The following CYP7B1 variants were observed in gnomAD, a reference collection of about 807,000 sequenced individuals.
The protein encoded by CYP7B1 is cytochrome P450 family 7 subfamily B member 1.
In CYP7B1, 29 loss-of-function variants were observed where a neutral mutation model predicts 42.7. The observed-to-expected ratio is 0.68, with a 90% CI of 0.51 to 0.93. CYP7B1 has a LOEUF of 0.93. Ranked by LOEUF, CYP7B1 falls within the 40% of genes least tolerant of loss-of-function variation. The probability of loss-of-function intolerance (pLI) is 0.00; values close to 1 mark genes in which losing one functional copy is unlikely to be tolerated. For missense variants in CYP7B1, 655 were observed against 600.5 expected, an observed-to-expected ratio of 1.09 and a Z score of -0.95; for synonymous variants, 235 against 218.2, an observed-to-expected ratio of 1.08 and a Z score of -0.68.
intron 1 of CYP7B1, among the ~76,000 whole-genome samples, chr8:64,636,789 CA>C (rs984146201): frequency 3.2e-4 from 49 of 152,214 alleles, no homozygotes; most frequent in Non-Finnish European, 2.2e-4. Context: ...GAAAGCGAGT[CA>C]AAAATGTTTC....
chr8:64,745,821 G>T (rs1021681847), intron 1 of CYP7B1, among the ~76,000 whole-genome samples: 1 of 152,146 alleles, frequency 6.6e-6, no homozygotes, highest in African/African-American at 2.4e-5. Context: ...TTGCTCTATA[G>T]TACGCTTGGG....
intron 4 of CYP7B1, among the ~76,000 whole-genome samples, chr8:64,607,604 T>C (rs1010908462): frequency 7.9e-5 from 12 of 152,052 alleles, no homozygotes; most frequent in Non-Finnish European, 1.2e-4. Context: ...GGCGGGCAAA[T>C]TGAGTTAAAA....
chr8:64,739,379 T>G (rs1807536460), intron 1 of CYP7B1, among the ~76,000 whole-genome samples: 1 of 152,186 alleles, frequency 6.6e-6, no homozygotes, highest in Non-Finnish European at 1.5e-5. Flanking sequence ...AAGGAAGAAT[T>G]CCTAGCGAAG....
chr8:64,651,711 AT>A (rs1806041902), intron 1 of CYP7B1, among the ~76,000 whole-genome samples: 6 of 152,238 alleles, frequency 3.9e-5, no homozygotes, highest in Non-Finnish European at 7.3e-5. Flanking sequence ...CTCTTCTGCC[AT>A]ATGAGAAAAC....
chr8:64,635,879 G>T (rs1805762141), intron 1 of CYP7B1, among the ~76,000 whole-genome samples: 1 of 152,130 alleles, frequency 6.6e-6, no homozygotes, highest in Non-Finnish European at 1.5e-5. Context: ...TCTATTAGCA[G>T]AATTATATTA....
chr8:64,676,512 T>A (rs1806448650), intron 1 of CYP7B1, among the ~76,000 whole-genome samples: 2 of 152,114 alleles, frequency 1.3e-5, no homozygotes, highest in Admixed American at 1.3e-4. Context: ...AGGGTTGAAG[T>A]GAAATTTTGT....
In CYP7B1 at chr8:64,624,406, C is replaced by A; in HGVS notation, c.256G>T (p.Gly86Cys). ...TATTAATAGAAGTGCTTCTTACCAC[C>A]AAGAAGAACTGTGAAAGTGTCACCA... ...QHGDTFTVLL[G>C]GKYITFILDP... Residue 86 changes from glycine to cysteine, a missense_variant, in exon 2 of 6, where the codon GGT (glycine) becomes TGT (cysteine). Physicochemically the swap from Gly to Cys is radical, Grantham distance 159. Transcript: ENST00000310193. 1.2e-6 allele frequency: 2 copies of A among 1,613,246 alleles called. No individual in the cohort carries two copies. Among genetic ancestry groups the A allele is most frequent in the Non-Finnish European group, 1.7e-6 (2 of 1,179,652 alleles).
intron 1 of CYP7B1, among the ~76,000 whole-genome samples, chr8:64,750,567 C>T (rs560453399): frequency 1.3e-5 from 2 of 152,272 alleles, no homozygotes; most frequent in South Asian, 4.1e-4. Context: ...CCTAAGCAAC[C>T]TTTAAGTACA....
At chr8:64,669,711 A>T (rs1806336197) in intron 1 of CYP7B1, among the ~76,000 whole-genome samples, 1 of 150,988 alleles carries the variant, frequency 6.6e-6, no homozygotes, top group Non-Finnish European at 1.5e-5. Context: ...GGAGGGAATG[A>T]AGGTTTTACA....
chr8:64,732,786 A>G (rs1219441569), intron 1 of CYP7B1: 2 of 152,156 alleles, frequency 1.3e-5, no homozygotes, highest in African/African-American at 4.8e-5. Flanking sequence ...TGTTCAAATA[A>G]TACTGAGTGA....
At chr8:64,637,437 T>C (rs1805789803) in intron 1 of CYP7B1, among the ~76,000 whole-genome samples, 2 of 152,198 alleles carry the variant, frequency 1.3e-5, no homozygotes, top group Non-Finnish European at 2.9e-5. Flanking sequence ...TGTCATGAGC[T>C]ACAGGGCTTT....
chr8:64,615,692 T>C lies in CYP7B1; in HGVS notation c.849A>G (p.Gly283=), dbSNP rs1805427839. 1 of 1,613,230 alleles carries C rather than the reference T, an allele frequency of 6.2e-7. No individual in the cohort carries two copies. Among genetic ancestry groups the C allele is most frequent in the East Asian group, 2.2e-5 (1 of 44,856 alleles). ...AAGTGCTCATTCAGAAGTTCTTACC[T>C]CCTATTTCAAGGTCCTCGTGCACAT... ...KYYVHEDLEI[G]AHHLGFLWAS... Residue 283 remains glycine, a splice_region_variant and synonymous_variant, in exon 3 of 6, where the codon GGA becomes GGG. Coordinates refer to ENST00000310193, the MANE Select transcript of CYP7B1 (RefSeq NM_004820.5).
intron 1 of CYP7B1, among the ~76,000 whole-genome samples, chr8:64,681,104 T>C (rs1806529608): frequency 6.6e-6 from 1 of 152,228 alleles, no homozygotes; most frequent in Non-Finnish European, 1.5e-5. Flanking sequence ...TTTAAAATGT[T>C]TGTGGATGCA....
Position 64,591,241 on chromosome 8 carries a change from T to C in CYP7B1, c.*5401A>G, listed in dbSNP as rs1805029061. Among the ~76,000 whole-genome samples, 1 of 152,208 alleles carries C rather than the reference T, an allele frequency of 6.6e-6. No homozygotes were observed. The highest frequency in any genetic ancestry group is 1.5e-5 in the Non-Finnish European group (1 of 68,010). On this transcript the variant is annotated 3_prime_UTR_variant, in exon 6 of 6. Coordinates refer to ENST00000310193, the MANE Select transcript of CYP7B1 (RefSeq NM_004820.5). ...AAATGAAGTAGAGTAATAATTACTT[T>C]AGATAAATACTAAAGAGTTTTATGT...
intron 1 of CYP7B1, among the ~76,000 whole-genome samples, chr8:64,783,909 A>G (rs2129691925): frequency 6.6e-6 from 1 of 152,332 alleles, no homozygotes; most frequent in East Asian, 1.9e-4. Context: ...GCAAAATGGT[A>G]CAGTTAATTT....
At chr8:64,598,879 T>C (rs558171397) in intron 5 of CYP7B1, among the ~76,000 whole-genome samples, 1 of 152,248 alleles carries the variant, frequency 6.6e-6, no homozygotes, top group African/African-American at 2.4e-5. Context: ...GCCACTGTCT[T>C]TAGCTCTGTG....
intron 1 of CYP7B1, among the ~76,000 whole-genome samples, chr8:64,630,585 T>C (rs1222977171): frequency 6.6e-6 from 1 of 152,244 alleles, no homozygotes; most frequent in Non-Finnish European, 1.5e-5. Flanking sequence ...TCTCTCTGCT[T>C]ATCTATACCT....
In CYP7B1 at chr8:64,592,192, A is replaced by C. The variant is rs1805046910; in HGVS notation, c.*4450T>G. Among the ~76,000 whole-genome samples the C allele has an allele frequency of 6.6e-6, 1 of 152,136 alleles. No homozygotes were observed. The highest frequency in any genetic ancestry group is 1.5e-5 in the Non-Finnish European group (1 of 68,026). ...GACAGAGCAAGACTCCATCTAAAAA[A>C]AAAAAAGGATGGGATTTTACAATAT... On this transcript the variant is annotated 3_prime_UTR_variant, in exon 6 of 6. Coordinates refer to ENST00000310193, the MANE Select transcript of CYP7B1 (RefSeq NM_004820.5).
At chr8:64,770,318 C>G (rs553317930) in intron 1 of CYP7B1, among the ~76,000 whole-genome samples, 113 of 152,182 alleles carry the variant, frequency 7.4e-4, no homozygotes, top group Non-Finnish European at 1.3e-3. Flanking sequence ...TCTTAGAGTT[C>G]CCAGAAAAGC....
Sources: allele counts gnomAD v4.1 joint callset (sites outside exome capture counted in the v4.1 genomes callset), GRCh38; gene constraint gnomAD v4.1.1; transcripts MANE v1.5; gene names NCBI Gene and HGNC (gene_info 2026-07-23, HGNC 2026-07-21).